The following KLF13 variants were observed in gnomAD, a reference collection of about 807,000 sequenced individuals.
The protein encoded by KLF13 is KLF transcription factor 13.
Under a neutral mutation model 16.7 loss-of-function variants are expected in KLF13, and 8 were observed. That is an observed-to-expected ratio of 0.48 (90% CI 0.28 to 0.87). KLF13 has a LOEUF of 0.87. Ranked by LOEUF, KLF13 falls within the 40% of genes least tolerant of loss-of-function variation. KLF13 has a pLI of 0.10. For missense variants in KLF13, 447 were observed against 452.2 expected, an observed-to-expected ratio of 0.99 and a Z score of 0.10; for synonymous variants, 245 against 208.4, an observed-to-expected ratio of 1.18 and a Z score of -1.51.
chr15:31,391,785 G>C (rs985622093), upstream of KLF13, among the ~76,000 whole-genome samples: 1 of 152,110 alleles, frequency 6.6e-6, no homozygotes, highest in Admixed American at 6.5e-5. Context: ...GAGCCCTCGA[G>C]GAGTCCGCGG....
At chr15:31,341,501 CTTT>C (rs35489650) in intron 1 of KLF13, among the ~76,000 whole-genome samples, 3 of 117,086 alleles carry the variant, frequency 2.6e-5, no homozygotes, top group Non-Finnish European at 1.8e-5. Flanking sequence ...AATTCAGAAT[CTTT>C]TTTTTTTTTT....
In KLF13 at chr15:31,372,006, A is replaced by G; in HGVS notation, c.578-4A>G. ...ATACTGATGCTCTGCCCCTGTGCCC[A>G]CAGGTGAGAGGCCCTTCGCCTGCAG... On this transcript the variant is annotated splice_polypyrimidine_tract_variant and splice_region_variant and intron_variant, in intron 1 of 1. Coordinates refer to ENST00000307145, the MANE Select transcript of KLF13 (RefSeq NM_015995.4). 1 of 1,599,218 alleles carries G rather than the reference A, an allele frequency of 6.3e-7. No individual in the cohort carries two copies. The highest frequency in any genetic ancestry group is 1.1e-5 in the South Asian group (1 of 89,168).
At chr15:31,345,457 G>T (rs537848157) in intron 1 of KLF13, among the ~76,000 whole-genome samples, 1 of 152,312 alleles carries the variant, frequency 6.6e-6, no homozygotes, top group Non-Finnish European at 1.5e-5. Flanking sequence ...CCTGCCTGGA[G>T]AGCACTGGGG....
At chr15:31,344,378 C>T (rs745601269) in intron 1 of KLF13, among the ~76,000 whole-genome samples, 21 of 152,258 alleles carry the variant, frequency 1.4e-4, no homozygotes, top group Non-Finnish European at 2.8e-4. Context: ...CATGGCTGGA[C>T]GTTTTCATGT....
intron 1 of KLF13, among the ~76,000 whole-genome samples, chr15:31,365,554 G>A (rs981620180): frequency 6.8e-6 from 1 of 146,314 alleles, no homozygotes; most frequent in African/African-American, 2.5e-5. Flanking sequence ...CCCACAGGAG[G>A]TTCGCAGACA....
At chr15:31,425,911 A>G (rs2040395373) in intron 1 of KLF13, among the ~76,000 whole-genome samples, 1 of 152,194 alleles carries the variant, frequency 6.6e-6, no homozygotes, top group African/African-American at 2.4e-5. Flanking sequence ...CTTTAACAGC[A>G]CCCAAGTCAC....
At position 31,327,399 on chromosome 15, in the gene KLF13, G is replaced by C; in HGVS notation, c.187G>C (p.Val63Leu). The change falls in exon 1 of 2, where the codon GTG (valine) becomes CTG (leucine). Residue 63 changes from valine (V) to leucine (L), a missense_variant. Transcript: ENST00000307145. ...CGGTAAGGACAGCGCCTCGCTCTTC[G>C]TGGTGGCGCGGATCCTAGCGGACCT... ...RDGKDSASLF[V>L]VARILADLNQ... The C allele has an allele frequency of 2.3e-6, 3 of 1,289,600 alleles. No individual in the cohort carries two copies. Among genetic ancestry groups the C allele is most frequent in the Non-Finnish European group, 2.9e-6 (3 of 1,017,450 alleles). 79.9% of individuals were successfully genotyped at this position (1,289,600 alleles called of 1,614,324 possible). A position where few individuals can be genotyped will look rare whatever the true frequency, so the allele number is the denominator to read the frequency against.
At chr15:31,417,811 G>A (rs1352586348) in intron 1 of KLF13, among the ~76,000 whole-genome samples, 3 of 152,158 alleles carry the variant, frequency 2.0e-5, no homozygotes, top group African/African-American at 7.2e-5. Context: ...CTCCCAAAAT[G>A]CTGGGATTAC....
intron 2 of KLF13, among the ~76,000 whole-genome samples, chr15:31,399,011 C>G (rs752082564): frequency 5.9e-5 from 9 of 152,196 alleles, no homozygotes; most frequent in African/African-American, 2.2e-4. Flanking sequence ...TGGCAGAGTG[C>G]GAGCCCCTTA....
rs562359356 is a variant in KLF13 at position 31,413,102 on chromosome 15, A to T, written n.117+19411A>T. Among the ~76,000 whole-genome samples the T allele has an allele frequency of 2.0e-5, 3 of 148,040 alleles. No individual in the cohort carries two copies. The East Asian group carries it at 6.3e-4, about 31-fold the overall frequency. On this transcript the variant is annotated intron_variant and non_coding_transcript_variant, in intron 1 of 1. Transcript: ENST00000558225. ...GAGCAATTAGTGGTTTCACATCTGG[A>T]TGTGGCCAGAGACAGAAAGAGAGTG...
intron 1 of KLF13, among the ~76,000 whole-genome samples, chr15:31,417,871 A>C (rs1366611723): frequency 2.6e-5 from 4 of 152,198 alleles, no homozygotes; most frequent in Non-Finnish European, 1.5e-5. Context: ...ACAGCAGCAC[A>C]AAATGGACTA....
intron 1 of KLF13, among the ~76,000 whole-genome samples, chr15:31,361,695 A>G (rs2039391279): frequency 1.3e-5 from 2 of 152,076 alleles, no homozygotes; most frequent in South Asian, 4.2e-4. Context: ...GGCTGGGAGC[A>G]CGGGCACCTG....
At chr15:31,367,927 G>T (rs1385109549) in intron 1 of KLF13, among the ~76,000 whole-genome samples, 4 of 152,206 alleles carry the variant, frequency 2.6e-5, no homozygotes, top group African/African-American at 9.7e-5. Flanking sequence ...CACAGTTCCA[G>T]AAATCAAGGT....
chr15:31,352,528 G>T (rs1027231703), intron 1 of KLF13, among the ~76,000 whole-genome samples: 1 of 152,186 alleles, frequency 6.6e-6, no homozygotes, highest in African/African-American at 2.4e-5. Context: ...TGAGATTAGC[G>T]TCTGTATGTG....
At chr15:31,418,820 A>T (rs2040287308) in intron 1 of KLF13, among the ~76,000 whole-genome samples, 2 of 152,134 alleles carry the variant, frequency 1.3e-5, no homozygotes, top group Non-Finnish European at 2.9e-5. Context: ...ATAATGAAAA[A>T]ATATTTAGGT....
chr15:31,394,600 CAG>C (rs1208012561), intron 2 of KLF13, among the ~76,000 whole-genome samples: 1 of 152,026 alleles, frequency 6.6e-6, no homozygotes, highest in Admixed American at 6.5e-5. Flanking sequence ...TGGATATGGG[CAG>C]AGAGGATGGA....
intron 1 of KLF13, among the ~76,000 whole-genome samples, chr15:31,332,202 T>A (rs975001414): frequency 3.3e-5 from 5 of 152,114 alleles, no homozygotes; most frequent in African/African-American, 1.2e-4. Context: ...TGTTGTGGAG[T>A]TACTGTGTTA....
In KLF13 at chr15:31,373,221, A is replaced by G. The variant is rs756598435; in HGVS notation, c.*922A>G. On this transcript the variant is annotated 3_prime_UTR_variant, in exon 2 of 2. Transcript: ENST00000307145. ...GTTAGAAATTCCTGGTGGCACATCC[A>G]GTTCCGAGTTTGCCCGCACGGGCAC... 9.2e-5 allele frequency: 14 copies of G among 152,402 alleles called. No homozygotes were observed. The highest frequency in any genetic ancestry group is 6.5e-4 in the Admixed American group (10 of 15,314). The allele number at this position is 152,402 out of a possible 1,614,324, so 9.4% of individuals were successfully genotyped here. A position where few individuals can be genotyped will look rare whatever the true frequency, so the allele number is the denominator to read the frequency against.
intron 1 of KLF13, chr15:31,366,133 G>A (rs1415881012): frequency 5.6e-5 from 8 of 142,944 alleles, no homozygotes; most frequent in African/African-American, 2.1e-4. Context: ...AACTGCATGC[G>A]GTCCCCTACC....
Sources: gnomAD v4.1 joint callset for allele counts (sites outside exome capture counted in the v4.1 genomes callset) on GRCh38, gnomAD v4.1.1 for gene constraint, MANE v1.5 for transcripts, NCBI Gene and HGNC (gene_info 2026-07-23, HGNC 2026-07-21) for gene names.